The following ASXL2 variants were observed in gnomAD, a reference collection of about 807,000 sequenced individuals.
ASXL2 encodes putative Polycomb group protein ASXL2.
In ASXL2, 23 loss-of-function variants were observed where a neutral mutation model predicts 122.0. The observed-to-expected ratio is 0.19, with a 90% CI of 0.14 to 0.27. The LOEUF is 0.27. Ranked by LOEUF, ASXL2 falls within the 10% of genes least tolerant of loss-of-function variation. The pLI is 1.00. For synonymous variants in ASXL2, 650 were observed against 637.0 expected (o/e 1.02, Z -0.31); for missense variants, 1,518 against 1,713.8 (o/e 0.89, Z 2.02).
Position 25,771,558 on chromosome 2 carries a change from A to G in ASXL2, c.404-18T>C. 1 of 1,592,334 alleles carries G rather than the reference A, an allele frequency of 6.3e-7. No homozygotes were observed. Among genetic ancestry groups the G allele is most frequent in the Non-Finnish European group, 8.6e-7 (1 of 1,163,188 alleles). On this transcript the variant is annotated intron_variant, in intron 5 of 12. Transcript: ENST00000435504. The stretch of plus-strand genomic sequence containing the variant: ...CGACGATACTAGGGAAAAAAAAGTG[A>G]CAATAAAAGATTTTTGTTAACAGAG...
intron 1 of ASXL2, among the ~76,000 whole-genome samples, chr2:25,847,221 T>A (rs1027714993): frequency 1.3e-5 from 2 of 152,202 alleles, no homozygotes; most frequent in African/African-American, 2.4e-5. Flanking sequence ...TGGTCAGTCA[T>A]AAAACCCAAC....
intron 1 of ASXL2, chr2:25,856,409 C>T: frequency 2.5e-6 from 1 of 399,536 alleles, no homozygotes; most frequent in South Asian, 2.2e-5. Context: ...TTTCAGGAAG[C>T]AGGTCTGGAA....
chr2:25,781,793 C>T (rs1259367053), intron 5 of ASXL2, among the ~76,000 whole-genome samples: 2 of 151,438 alleles, frequency 1.3e-5, no homozygotes, highest in Admixed American at 6.6e-5. Context: ...TTCAGCCTCC[C>T]GAGCAGCTGG....
chr2:25,856,482 G>A, intron 1 of ASXL2: 1 of 1,064,460 alleles, frequency 9.4e-7, no homozygotes, highest in Non-Finnish European at 1.4e-6. Flanking sequence ...TCGGGTTACG[G>A]AACTTGTATC....
rs11694396 is a variant in ASXL2 at position 25,873,906 on chromosome 2, G to T, written c.57+4260C>A. Among the ~76,000 whole-genome samples the T allele has an allele frequency of 1.3e-3, 197 of 152,012 alleles. 1 individual carries two copies. The highest frequency in any genetic ancestry group is 2.3e-3 in the Non-Finnish European group (154 of 67,992). On this transcript the variant is annotated intron_variant, in intron 1 of 12. Transcript: ENST00000435504. The stretch of plus-strand genomic sequence containing the variant: ...TAATGCTTTTCTAGCCATGGGTAAG[G>T]AAAGAAAAGTCAAAAGGCAAACAAG...
At chr2:25,782,001 C>T (rs1290510413) in intron 5 of ASXL2, among the ~76,000 whole-genome samples, 2 of 118,450 alleles carry the variant, frequency 1.7e-5, no homozygotes, top group African/African-American at 3.3e-5. Context: ...GACAGAGTCT[C>T]GCTATGTTTG....
chr2:25,762,665 GA>G (rs60065368), intron 8 of ASXL2, among the ~76,000 whole-genome samples: 10,797 of 34,034 alleles, frequency 0.32, 315 homozygotes, highest in Non-Finnish European at 0.36. Flanking sequence ...ACTCTTTCTC[GA>G]AAAAAAAAAA....
chr2:25,865,336 G>T (rs1303213681), intron 1 of ASXL2, among the ~76,000 whole-genome samples: 1 of 151,934 alleles, frequency 6.6e-6, no homozygotes, highest in Non-Finnish European at 1.5e-5. Flanking sequence ...GGAGGTGGAA[G>T]CACAAAAATT....
rs1178582955 is a variant in ASXL2 at position 25,742,354 on chromosome 2, C to T, written c.3983G>A (p.Arg1328Lys). The T allele has an allele frequency of 8.5e-6, 13 of 1,524,406 alleles. No homozygotes were observed. Among genetic ancestry groups the T allele is most frequent in the Non-Finnish European group, 1.2e-5 (13 of 1,129,782 alleles). The allele number at this position is 1,524,406 out of a possible 1,614,324, so 94.4% of individuals were successfully genotyped here. Residue 1328 changes from arginine (R) to lysine (K), a missense_variant, in exon 13 of 13, where the codon AGA (arginine) becomes AAA (lysine). Transcript: ENST00000435504. ...GSPTQIGPSY[R>K]GMINVSTSSD... is the part of the protein sequence containing the mutation. Reference sequence around the variant, plus strand: ...TGAGGTGGAGACATTGATCATGCCTCTATAGCTTGGCCCTATCTGGGTGGG... The same window carrying T: ...TGAGGTGGAGACATTGATCATGCCTTTATAGCTTGGCCCTATCTGGGTGGG...
Position 25,750,421 on chromosome 2 carries a change from G to GGGGAAAAAAGAAATATTCCAGT in ASXL2, c.1143-30_1143-9dup. The GGGGAAAAAAGAAATATTCCAGT allele has an allele frequency of 6.4e-6, 10 of 1,564,702 alleles. No homozygotes were observed. The highest frequency in any genetic ancestry group is 1.7e-4 in the Middle Eastern group (1 of 5,808). ...TCAAGGCTCAGGCCAGAACTAAAAAGGGGAAAAAAGAAATATTCCAGTTGA... is the reference window on the plus strand; with the variant it reads ...TCAAGGCTCAGGCCAGAACTAAAAAGGGGAAAAAAGAAATATTCCAGTGGGAAAAAAGAAATATTCCAGTTGA... On this transcript the variant is annotated splice_polypyrimidine_tract_variant and intron_variant, in intron 11 of 12. Coordinates refer to ENST00000435504, the MANE Select transcript of ASXL2 (RefSeq NM_018263.6).
intron 5 of ASXL2, among the ~76,000 whole-genome samples, chr2:25,772,448 C>A (rs978824966): frequency 2.0e-5 from 3 of 152,080 alleles, no homozygotes; most frequent in African/African-American, 7.2e-5. Context: ...AAAGTACACA[C>A]AAGACCGTGT....
At chr2:25,831,352 T>C (rs1387727693) in intron 3 of ASXL2, among the ~76,000 whole-genome samples, 3 of 149,946 alleles carry the variant, frequency 2.0e-5, no homozygotes, top group Non-Finnish European at 4.4e-5. Flanking sequence ...TGAAAACTTC[T>C]CTTATTTGGT....
intron 1 of ASXL2, among the ~76,000 whole-genome samples, chr2:25,859,006 G>T (rs1360821146): frequency 6.6e-6 from 1 of 151,254 alleles, no homozygotes; most frequent in East Asian, 2.0e-4. Flanking sequence ...TAGAGACGGG[G>T]TTTCACCATG....
chr2:25,739,096 G>A lies in ASXL2; in HGVS notation c.*2933C>T, dbSNP rs973117381. The A allele has an allele frequency of 6.6e-6, 1 of 152,204 alleles. No homozygotes were observed. Among genetic ancestry groups the A allele is most frequent in the South Asian group, 2.1e-4 (1 of 4,834 alleles). The allele number at this position is 152,204 out of a possible 1,614,324, so 9.4% of individuals were successfully genotyped here. ...GACTATATTATTGATGCTATCTCCT[G>A]GGGTGACCTGCAGTGGAGGACATCT... On this transcript the variant is annotated 3_prime_UTR_variant, in exon 13 of 13. Transcript: ENST00000435504.
intron 5 of ASXL2, among the ~76,000 whole-genome samples, chr2:25,786,005 A>G (rs2088737953): frequency 6.6e-6 from 1 of 152,244 alleles, no homozygotes; most frequent in African/African-American, 2.4e-5. Flanking sequence ...AATCTATGAT[A>G]CAGATGATTA....
chr2:25,765,017 A>T (rs2088319366), intron 8 of ASXL2, among the ~76,000 whole-genome samples: 1 of 152,302 alleles, frequency 6.6e-6, no homozygotes, highest in Non-Finnish European at 1.5e-5. Flanking sequence ...TTATACTTGA[A>T]ATCTGAGGTA....
At chr2:25,749,328 T>C (rs868655568) in intron 12 of ASXL2, among the ~76,000 whole-genome samples, 18 of 152,348 alleles carry the variant, frequency 1.2e-4, no homozygotes, top group Middle Eastern at 3.4e-3. Flanking sequence ...AGTAGGACAG[T>C]TGGCTGTCAA....
At chr2:25,753,480 A>G (rs977391527) in intron 11 of ASXL2, 54 bp downstream of exon 11, 10 of 1,349,392 alleles carry the variant, frequency 7.4e-6, no homozygotes, top group Non-Finnish European at 8.3e-6. Flanking sequence ...AAAGCACTAC[A>G]TGACTTATAT....
intron 5 of ASXL2, among the ~76,000 whole-genome samples, chr2:25,784,286 C>A (rs79758618): frequency 6.6e-6 from 1 of 151,884 alleles, no homozygotes; most frequent in Non-Finnish European, 1.5e-5. Flanking sequence ...GTAGGTGGCA[C>A]CAAACCCTTG....
Sources: allele counts gnomAD v4.1 joint callset (sites outside exome capture counted in the v4.1 genomes callset), GRCh38; gene constraint gnomAD v4.1.1; transcripts MANE v1.5; gene names NCBI Gene and HGNC (gene_info 2026-07-23, HGNC 2026-07-21).